CPLANE1: variants seen among roughly 807,000 people sequenced by gnomAD.
CPLANE1 encodes the protein ciliogenesis and planar polarity effector complex subunit 1.
A neutral mutation model predicts 362.5 loss-of-function variants in CPLANE1; 263 were observed. That is an observed-to-expected ratio of 0.73 (90% CI 0.66 to 0.80). The LOEUF (loss-of-function observed/expected upper bound fraction) is 0.80, where lower values mean the gene tolerates loss of function less well. Ranked by LOEUF, CPLANE1 falls within the 30% of genes least tolerant of loss-of-function variation. The probability of loss-of-function intolerance (pLI) is 0.00; values close to 1 mark genes in which losing one functional copy is unlikely to be tolerated. For missense variants in CPLANE1, 3,461 were observed against 3,793.4 expected (o/e 0.91, Z 2.30); for synonymous variants, 1,212 against 1,302.6 (o/e 0.93, Z 1.50).
chr5:37,228,442 A>T (rs538756607), intron 9 of CPLANE1, among the ~76,000 whole-genome samples: 21 of 152,166 alleles, frequency 1.4e-4, no homozygotes, highest in Middle Eastern at 3.4e-3. Context: ...TCAAATACAG[A>T]TTTTTTTTAT....
Position 37,106,979 on chromosome 5 carries a change from T to C in CPLANE1, c.*623A>G. The C allele has an allele frequency of 1.0e-6, 1 of 985,456 alleles. No individual in the cohort carries two copies. Among genetic ancestry groups the C allele is most frequent in the Non-Finnish European group, 1.2e-6 (1 of 829,948 alleles). 61.0% of individuals were successfully genotyped at this position (985,456 alleles called of 1,614,324 possible). ...AGAGGCCGGAGTCATATTCCCTTAC[T>C]TTCCTGCCCAAAGCATCCATTCCTG... On this transcript the variant is annotated 3_prime_UTR_variant, in exon 53 of 53. Transcript: ENST00000651892.
chr5:37,224,206 A>C (rs1795963975), intron 14 of CPLANE1, 47 bp downstream of exon 14: 1 of 1,263,574 alleles, frequency 7.9e-7, no homozygotes. Flanking sequence ...GCAAGCTAAA[A>C]GGAGTCCTGC....
Position 37,210,838 on chromosome 5 carries a change from C to T in CPLANE1, c.2920+2721G>A, listed in dbSNP as rs1460075738. Reference sequence around the variant, plus strand: ...AAAGAACTAAGGAGAGCAGAAAAGGCTACAGTGGTTGAGCATGAGGAGTTC... The same window carrying T: ...AAAGAACTAAGGAGAGCAGAAAAGGTTACAGTGGTTGAGCATGAGGAGTTC... On this transcript the variant is annotated intron_variant, in intron 16 of 52. Transcript: ENST00000651892. The T allele has an allele frequency of 3.8e-5, 34 of 886,224 alleles. 1 individual carries two copies. Among genetic ancestry groups the T allele is most frequent in the South Asian group, 2.4e-4 (18 of 76,292 alleles). 54.9% of individuals were successfully genotyped at this position (886,224 alleles called of 1,614,324 possible). A position where few individuals can be genotyped will look rare whatever the true frequency, so the allele number is the denominator to read the frequency against.
Position 37,110,723 on chromosome 5 carries a change from A to C in CPLANE1, c.9401-2252T>G, listed in dbSNP as rs545986931. Among the ~76,000 whole-genome samples the C allele has an allele frequency of 4.6e-5, 7 of 152,230 alleles. No homozygotes were observed. The East Asian group carries it at 1.2e-3, about 25-fold the overall frequency. On this transcript the variant is annotated intron_variant, in intron 51 of 52. Coordinates refer to ENST00000651892, the MANE Select transcript of CPLANE1 (RefSeq NM_001384732.1). ...TATTATCCCCATTTTGCAAATGAGG[A>C]AAGTGAGGCTTAGAGAGGTTATGTA...
chr5:37,247,758 A>G lies in CPLANE1; in HGVS notation c.-47-13T>C. 1 of 1,473,336 alleles carries G rather than the reference A, an allele frequency of 6.8e-7. No individual in the cohort carries two copies. The highest frequency in any genetic ancestry group is 9.1e-7 in the Non-Finnish European group (1 of 1,103,488). The allele number at this position is 1,473,336 out of a possible 1,614,324, so 91.3% of individuals were successfully genotyped here. A position where few individuals can be genotyped will look rare whatever the true frequency, so the allele number is the denominator to read the frequency against. On this transcript the variant is annotated splice_polypyrimidine_tract_variant and intron_variant, in intron 1 of 52. Transcript: ENST00000651892. The stretch of plus-strand genomic sequence containing the variant: ...CAGTCCCAAGATTCTGTAAACAATA[A>G]TAGTAATAAAATATAAATGATGCAT...
intron 16 of CPLANE1, chr5:37,212,174 G>C (rs1792794606): frequency 8.3e-7 from 1 of 1,206,584 alleles, no homozygotes; most frequent in Non-Finnish European, 1.2e-6. Flanking sequence ...AATTAGAAAT[G>C]AGTAATCAAG....
chr5:37,195,688 T>C (rs1191343465), intron 21 of CPLANE1, among the ~76,000 whole-genome samples, 170 bp downstream of exon 21: 1 of 150,336 alleles, frequency 6.7e-6, no homozygotes, highest in African/African-American at 2.4e-5. Context: ...TCTGACTTAC[T>C]ATCATATATA....
chr5:37,148,742 G>A (rs867262028), intron 42 of CPLANE1, among the ~76,000 whole-genome samples: 3 of 152,080 alleles, frequency 2.0e-5, no homozygotes, highest in African/African-American at 4.8e-5. Flanking sequence ...AATAATGTGA[G>A]AGCATTTTTT....
intron 46 of CPLANE1, among the ~76,000 whole-genome samples, chr5:37,128,871 A>C (rs560142245): frequency 5.5e-4 from 83 of 152,066 alleles, no homozygotes; most frequent in Non-Finnish European, 9.6e-4. Flanking sequence ...AAAAACAAAA[A>C]AAAAATCATC....
intron 35 of CPLANE1, 49 bp from the exon 36 acceptor site, chr5:37,165,720 T>G (rs778762839): frequency 1.6e-5 from 25 of 1,521,462 alleles, no homozygotes; most frequent in Non-Finnish European, 2.1e-5. Flanking sequence ...ATAGCAACAT[T>G]TGCTTTTCAT....
At chr5:37,114,550 C>T (rs1245075836) in intron 51 of CPLANE1, among the ~76,000 whole-genome samples, 1 of 152,208 alleles carries the variant, frequency 6.6e-6, no homozygotes, top group Non-Finnish European at 1.5e-5. Flanking sequence ...CGCAGAGCCA[C>T]ACCCTTCATT....
rs1253279158 is a variant in CPLANE1, at chr5:37,123,583, C to A, written c.8959-1095G>T. Among the ~76,000 whole-genome samples, 3 of 152,330 alleles carry A rather than the reference C, an allele frequency of 2.0e-5. No homozygotes were observed. In the East Asian group the frequency reaches 5.8e-4, roughly 29 times the overall value. On this transcript the variant is annotated intron_variant, in intron 47 of 52. Transcript: ENST00000651892. Reference sequence around the variant, plus strand: ...TGAGACAAGAGTGCACTCTGTTGCCCAGGCAGGAGTGCAGGGGCATGATCT... The same window carrying A: ...TGAGACAAGAGTGCACTCTGTTGCCAAGGCAGGAGTGCAGGGGCATGATCT...
chr5:37,078,020 G>A, the CPLANE1 span, among the ~76,000 whole-genome samples: 1,666 of 152,260 alleles, frequency 0.011, 27 homozygotes, highest in Middle Eastern at 0.078. Context: ...CCCAAAGTGA[G>A]ATTACAGGTA....
chr5:37,086,632 G>A, the CPLANE1 span, among the ~76,000 whole-genome samples: 1 of 152,150 alleles, frequency 6.6e-6, no homozygotes, highest in Non-Finnish European at 1.5e-5. Context: ...TGTGGGGAGG[G>A]GAATGGAGGA....
intron 41 of CPLANE1, among the ~76,000 whole-genome samples, chr5:37,157,021 T>C (rs7720731): frequency 6.6e-6 from 1 of 152,230 alleles, no homozygotes; most frequent in Admixed American, 6.5e-5. Context: ...TTTTACAATA[T>C]GAGAATTGCT....
intron 20 of CPLANE1, among the ~76,000 whole-genome samples, 175 bp from the exon 21 acceptor site, chr5:37,196,171 G>C (rs547758281): frequency 8.0e-4 from 47 of 58,602 alleles, no homozygotes; most frequent in African/African-American, 2.7e-3. Context: ...TCACTAGCTT[G>C]TTATCTCAAA....
chr5:37,157,588 G>A (rs1775493402), intron 40 of CPLANE1, 82 bp downstream of exon 40: 1 of 1,242,548 alleles, frequency 8.0e-7, no homozygotes. Flanking sequence ...AGGAGGAGAG[G>A]TAAGAGATGT....
intron 6 of CPLANE1, among the ~76,000 whole-genome samples, chr5:37,240,238 T>C (rs1207654080): frequency 1.3e-5 from 2 of 152,010 alleles, no homozygotes; most frequent in African/African-American, 2.4e-5. Flanking sequence ...TAATCCAAGC[T>C]ATTCGGGAGG....
intron 9 of CPLANE1, among the ~76,000 whole-genome samples, chr5:37,228,837 C>T (rs1005656832): frequency 2.0e-5 from 3 of 151,782 alleles, no homozygotes; most frequent in Non-Finnish European, 4.4e-5. Context: ...TGGAAGGCCC[C>T]AAATATTAAT....
Sources: allele counts gnomAD v4.1 joint callset (sites outside exome capture counted in the v4.1 genomes callset), GRCh38; gene constraint gnomAD v4.1.1; transcripts MANE v1.5; gene names NCBI Gene and HGNC (gene_info 2026-07-23, HGNC 2026-07-21).